The following HOXC4 variants were observed in gnomAD, a reference collection of about 807,000 sequenced individuals.
HOXC4 encodes the protein homeobox C4.
A neutral mutation model predicts 25.5 loss-of-function variants in HOXC4; 15 were observed. The observed-to-expected ratio is 0.59, with a 90% confidence interval of 0.39 to 0.91. The LOEUF (loss-of-function observed/expected upper bound fraction) is 0.91. Ranked by LOEUF, HOXC4 falls within the 40% of genes least tolerant of loss-of-function variation. HOXC4 has a pLI of 0.00. For missense variants in HOXC4, 342 were observed against 352.4 expected (o/e 0.97, Z 0.24); for synonymous variants, 165 against 148.0 (o/e 1.11, Z -0.83).
intron 1 of HOXC4, among the ~76,000 whole-genome samples, chr12:54,036,152 G>A (rs535261099): frequency 1.3e-5 from 2 of 152,290 alleles, no homozygotes; most frequent in East Asian, 3.9e-4. Context: ...AATTCAGGTA[G>A]TGTCTGAGGA....
chr12:54,029,831 C>A, intron 1 of HOXC4: 1 of 1,613,822 alleles, frequency 6.2e-7, no homozygotes. Flanking sequence ...CCAGAACCGC[C>A]GGATGAAGTG....
intron 1 of HOXC4, among the ~76,000 whole-genome samples, chr12:54,041,977 C>CTTTTTTT (rs796328359): frequency 6.0e-5 from 7 of 116,704 alleles, no homozygotes; most frequent in Non-Finnish European, 1.0e-4. Flanking sequence ...CTTTTCTTTT[C>CTTTTTTT]TTTTTTTTTT....
intron 1 of HOXC4, among the ~76,000 whole-genome samples, chr12:54,031,694 C>A (rs969976740): frequency 6.6e-6 from 1 of 152,218 alleles, no homozygotes; most frequent in Non-Finnish European, 1.5e-5. Context: ...GCGCCCCCAC[C>A]CTCGCCTCCA....
chr12:54,017,586 G>A (rs374923300), intron 1 of HOXC4, among the ~76,000 whole-genome samples: 2 of 152,040 alleles, frequency 1.3e-5, no homozygotes, highest in South Asian at 4.2e-4. Context: ...GGGTTAAACT[G>A]GAATACCGGT....
intron 1 of HOXC4, among the ~76,000 whole-genome samples, chr12:54,044,697 G>T (rs1937655693): frequency 6.7e-6 from 1 of 150,062 alleles, no homozygotes; most frequent in African/African-American, 2.4e-5. Flanking sequence ...TAATTAAGAT[G>T]GGTGCAGGGG....
At position 54,054,478 on chromosome 12, in the gene HOXC4, G is replaced by A. The variant is rs1937925983; in HGVS notation, c.439+117G>A. The A allele has an allele frequency of 1.2e-5, 8 of 659,956 alleles. No individual in the cohort carries two copies. The South Asian group carries it at 1.6e-4, about 13-fold the overall frequency. The allele number at this position is 659,956 out of a possible 1,614,324, so 40.9% of individuals were successfully genotyped here. A position where few individuals can be genotyped will look rare whatever the true frequency, so the allele number is the denominator to read the frequency against. ...TCTCTCCTTCCCCCTCTCTCTCCAG[G>A]AGCGACTCTGGGTTAGCACAATTGA... On this transcript the variant is annotated intron_variant, in intron 1 of 1. Coordinates refer to ENST00000430889, the MANE Select transcript of HOXC4 (RefSeq NM_153633.3).
rs1203866009 is a variant in HOXC4, at chr12:54,033,647, G to GA, written c.-124+16241dup. 5.1e-5 allele frequency: 67 copies of GA among 1,302,216 alleles called. 1 individual carries two copies. Among genetic ancestry groups the GA allele is most frequent in the South Asian group, 1.2e-4 (8 of 64,578 alleles). 80.7% of individuals were successfully genotyped at this position (1,302,216 alleles called of 1,614,324 possible). On this transcript the variant is annotated intron_variant, in intron 1 of 3. Coordinates refer to the HOXC4 transcript ENST00000303406. Reference sequence around the variant, plus strand: ...TTATAGGCCATGCGGGGCAAATAAAGAAAAAAAACCTGCGGCCATAAATTT... The same window carrying GA: ...TTATAGGCCATGCGGGGCAAATAAAGAAAAAAAAACCTGCGGCCATAAATTT...
chr12:54,037,384 T>C (rs1393362849), intron 1 of HOXC4, among the ~76,000 whole-genome samples: 1 of 152,058 alleles, frequency 6.6e-6, no homozygotes, highest in Non-Finnish European at 1.5e-5. Flanking sequence ...GCAGAGACTA[T>C]GGAGCCTGCC....
chr12:54,054,668 C>T (rs974936007), intron 1 of HOXC4, among the ~76,000 whole-genome samples, 182 bp from the exon 2 acceptor site: 1 of 152,106 alleles, frequency 6.6e-6, no homozygotes, highest in African/African-American at 2.4e-5. Flanking sequence ...AATGAGGATT[C>T]CCCTCTTATT....
chr12:54,053,754 T>A (rs2136467561), upstream of HOXC4: 6 of 325,048 alleles, frequency 1.8e-5, no homozygotes, highest in Non-Finnish European at 3.6e-5. Flanking sequence ...ATTGGATACA[T>A]TTTGAATAAA....
intron 1 of HOXC4, among the ~76,000 whole-genome samples, chr12:54,024,297 C>G (rs1405492734): frequency 6.6e-6 from 1 of 152,156 alleles, no homozygotes; most frequent in African/African-American, 2.4e-5. Context: ...AGCACCCAGG[C>G]CAGGCGCTGA....
intron 1 of HOXC4, among the ~76,000 whole-genome samples, chr12:54,026,454 TC>T (rs1940701351): frequency 1.3e-5 from 2 of 152,340 alleles, no homozygotes; most frequent in East Asian, 3.9e-4. Flanking sequence ...ATGAGATAAC[TC>T]ATCTAAAATT....
At chr12:54,048,636 C>G (rs1937776806) in intron 1 of HOXC4, among the ~76,000 whole-genome samples, 2 of 152,198 alleles carry the variant, frequency 1.3e-5, no homozygotes, top group South Asian at 4.1e-4. Flanking sequence ...GTAGAATTCT[C>G]TCTCTATCCT....
intron 1 of HOXC4, among the ~76,000 whole-genome samples, chr12:54,045,049 G>A (rs534579602): frequency 1.3e-5 from 2 of 152,252 alleles, no homozygotes; most frequent in East Asian, 1.9e-4. Context: ...TATGAGTTCC[G>A]GGCCCTCTTA....
intron 1 of HOXC4, among the ~76,000 whole-genome samples, chr12:54,045,559 C>A (rs1487737198): frequency 6.6e-6 from 1 of 152,184 alleles, no homozygotes; most frequent in Non-Finnish European, 1.5e-5. Context: ...ATTTAGAGAT[C>A]TTTACAGTCT....
intron 1 of HOXC4, chr12:54,029,602 G>T: frequency 6.4e-7 from 1 of 1,566,786 alleles, no homozygotes; most frequent in East Asian, 2.2e-5. Context: ...GAAACAGTCT[G>T]CAGAGGACGC....
intron 1 of HOXC4, among the ~76,000 whole-genome samples, chr12:54,026,308 A>C (rs1940694859): frequency 6.6e-6 from 1 of 152,138 alleles, no homozygotes. Context: ...CTTGCCCTCC[A>C]GGGGGCCTGA....
At chr12:54,019,184 C>G (rs1016705676) in intron 1 of HOXC4, among the ~76,000 whole-genome samples, 93 of 136,336 alleles carry the variant, frequency 6.8e-4, no homozygotes, top group Non-Finnish European at 1.1e-3. Context: ...CCCACCCCCC[C>G]ACCCCCAGTA....
At position 54,055,201 on chromosome 12, in the gene HOXC4, T is replaced by G; in HGVS notation, c.791T>G (p.Leu264Ter). 5 of 1,578,952 alleles carry G rather than the reference T, an allele frequency of 3.2e-6. No individual in the cohort carries two copies. Among genetic ancestry groups the G allele is most frequent in the Non-Finnish European group, 4.3e-6 (5 of 1,159,966 alleles). Residue 264 changes from leucine (L) to a stop codon, truncating the protein, a stop_gained, in exon 2 of 2, where the codon TTA becomes TGA. Coordinates refer to ENST00000430889, the MANE Select transcript of HOXC4 (RefSeq NM_153633.3). LOFTEE classifies it high-confidence loss of function. ...CAACGGGCAGAGGACATTACCAGGT[T>G]ATAAAACATAACTCACACCCCTGCC... ...EQQRAEDITR[L>*]
Sources: gnomAD v4.1 joint callset for allele counts (sites outside exome capture counted in the v4.1 genomes callset) on GRCh38, gnomAD v4.1.1 for gene constraint, MANE v1.5 for transcripts, NCBI Gene and HGNC (gene_info 2026-07-23, HGNC 2026-07-21) for gene names.